Variants in TRMT44 observed in about 807,000 individuals in gnomAD.
TRMT44 encodes tRNA methyltransferase 44 homolog.
Under a neutral mutation model 77.3 loss-of-function variants are expected in TRMT44, and 78 were observed. The ratio of observed to expected loss-of-function variants is 1.01; its 90% CI spans 0.84 to 1.22. TRMT44 has a LOEUF of 1.22. TRMT44 is among the 50% of genes most tolerant of loss of function. The pLI, the probability that TRMT44 is intolerant of heterozygous loss-of-function variation, is 0.00. For missense variants in TRMT44, 1,090 were observed against 964.4 expected (o/e 1.13, Z -1.73); for synonymous variants, 391 against 383.3 (o/e 1.02, Z -0.23).
chr4:8,514,970 GTTA>G, the TRMT44 span, among the ~76,000 whole-genome samples: 4 of 152,090 alleles, frequency 2.6e-5, no homozygotes, highest in Admixed American at 6.5e-5. Flanking sequence ...TTATTTATTT[GTTA>G]TTATTATCTT....
chr4:8,456,993 T>TCTGGGCAATA (rs990946710), intron 6 of TRMT44, among the ~76,000 whole-genome samples: 1 of 148,998 alleles, frequency 6.7e-6, no homozygotes, highest in Non-Finnish European at 1.5e-5. Context: ...TCAAGACCAG[T>TCTGGGCAATA]CTGGGCAATA....
Position 8,463,637 on chromosome 4 carries a change from A to G in TRMT44, c.1204-348A>G, listed in dbSNP as rs1726315086. Among the ~76,000 whole-genome samples, 4 of 152,284 alleles carry G rather than the reference A, an allele frequency of 2.6e-5. No homozygotes were observed. The South Asian group carries it at 8.3e-4, about 32-fold the overall frequency. On this transcript the variant is annotated intron_variant, in intron 6 of 10. Transcript: ENST00000389737. ...TCCTCCGAAGCCATTGCTTGCTCCCATGCTCTGCCAGAGGTGAAACCGTTC... is the reference window on the plus strand; with the variant it reads ...TCCTCCGAAGCCATTGCTTGCTCCCGTGCTCTGCCAGAGGTGAAACCGTTC...
intron 2 of TRMT44, among the ~76,000 whole-genome samples, chr4:8,489,423 T>C (rs1269415432): frequency 6.6e-6 from 1 of 152,190 alleles, no homozygotes; most frequent in Non-Finnish European, 1.5e-5. Flanking sequence ...GCCATAGGGC[T>C]GGGCTAACTT....
At chr4:8,475,165 C>T (rs1281068468) in intron 10 of TRMT44, among the ~76,000 whole-genome samples, 1 of 152,226 alleles carries the variant, frequency 6.6e-6, no homozygotes, top group East Asian at 1.9e-4. Flanking sequence ...GGCTGCCCTG[C>T]ACCAGCCCCG....
chr4:8,443,952 T>A (rs1206354003), intron 1 of TRMT44, among the ~76,000 whole-genome samples: 3 of 149,358 alleles, frequency 2.0e-5, no homozygotes, highest in South Asian at 4.2e-4. Flanking sequence ...AGACGGGGAC[T>A]CAGTCTAAAA....
chr4:8,455,632 G>A (rs1725754749), intron 6 of TRMT44, among the ~76,000 whole-genome samples: 1 of 152,148 alleles, frequency 6.6e-6, no homozygotes, highest in Non-Finnish European at 1.5e-5. Context: ...TAATATTTGT[G>A]ACCATGGTGT....
chr4:8,502,440 G>T, the TRMT44 span, among the ~76,000 whole-genome samples: 33 of 152,318 alleles, frequency 2.2e-4, no homozygotes, highest in African/African-American at 7.7e-4. Context: ...TTAGCTCATG[G>T]TGCAGTGGGT....
chr4:8,470,926 C>T (rs79006458), intron 9 of TRMT44, 158 bp from the exon 10 acceptor site: 20 of 580,750 alleles, frequency 3.4e-5, no homozygotes, highest in East Asian at 1.5e-4. Context: ...CGGTTTGGTG[C>T]GGTGTGGTGT....
intron 10 of TRMT44, among the ~76,000 whole-genome samples, chr4:8,472,215 T>G (rs1033700258): frequency 3.3e-5 from 5 of 152,106 alleles, no homozygotes; most frequent in Non-Finnish European, 7.4e-5. Flanking sequence ...AGGGCTTTAC[T>G]TAGGAAATGA....
At chr4:8,445,437 A>T (rs1250290155) in intron 1 of TRMT44, among the ~76,000 whole-genome samples, 1 of 152,102 alleles carries the variant, frequency 6.6e-6, no homozygotes, top group Non-Finnish European at 1.5e-5. Context: ...TTACCCTTTG[A>T]TTTCACCTTC....
At chr4:8,486,942 A>T (rs1362322349) in intron 2 of TRMT44, among the ~76,000 whole-genome samples, 3 of 152,138 alleles carry the variant, frequency 2.0e-5, no homozygotes, top group African/African-American at 7.2e-5. Context: ...TCTGTAGAAA[A>T]GGAAGATTAG....
At chr4:8,472,576 G>GCACA (rs143026797) in intron 10 of TRMT44, among the ~76,000 whole-genome samples, 7 of 152,124 alleles carry the variant, frequency 4.6e-5, no homozygotes, top group African/African-American at 1.7e-4. Context: ...GTGGGTTTGT[G>GCACA]CACACACACA....
At chr4:8,504,484 G>A in the TRMT44 span, among the ~76,000 whole-genome samples, 3 of 152,116 alleles carry the variant, frequency 2.0e-5, no homozygotes, top group Admixed American at 6.5e-5. The surrounding 1 kb of genome is among the most constrained non-coding windows in gnomAD (Gnocchi z 5.3). Flanking sequence ...CCAGACCTGG[G>A]CTCCATGCTG....
chr4:8,513,979 A>G, the TRMT44 span, among the ~76,000 whole-genome samples: 1 of 152,222 alleles, frequency 6.6e-6, no homozygotes, highest in African/African-American at 2.4e-5. Context: ...CAAACCATCT[A>G]GCAGCATCAG....
intron 6 of TRMT44, among the ~76,000 whole-genome samples, chr4:8,457,664 T>C (rs1419164500): frequency 6.6e-6 from 1 of 152,184 alleles, no homozygotes; most frequent in African/African-American, 2.4e-5. Context: ...CCGTCATTGC[T>C]ACAGAAAAGG....
intron 2 of TRMT44, among the ~76,000 whole-genome samples, chr4:8,482,784 G>A (rs1444677939): frequency 7.9e-5 from 12 of 152,044 alleles, no homozygotes; most frequent in Admixed American, 7.9e-4. Context: ...GGCCATCTGG[G>A]CATATACGTG....
chr4:8,513,702 A>C, the TRMT44 span, among the ~76,000 whole-genome samples: 13 of 152,244 alleles, frequency 8.5e-5, no homozygotes, highest in Admixed American at 2.0e-4. Flanking sequence ...ACAGTAGATC[A>C]AACATAAAAA....
chr4:8,463,901 C>G, intron 6 of TRMT44, 84 bp from the exon 7 acceptor site: 1 of 1,145,640 alleles, frequency 8.7e-7, no homozygotes, highest in Non-Finnish European at 1.3e-6. Flanking sequence ...ACTCCAGAGC[C>G]TGTACCCTCC....
intron 6 of TRMT44, among the ~76,000 whole-genome samples, chr4:8,458,459 C>CTTTTTTTTTTTTTTT (rs1156752172): frequency 7.0e-6 from 1 of 142,730 alleles, no homozygotes; most frequent in African/African-American, 2.6e-5. Context: ...ATTTTCTTTT[C>CTTTTTTTTTTTTTTT]TTTTCTTTTT....
Sources: allele counts gnomAD v4.1 joint callset (sites outside exome capture counted in the v4.1 genomes callset), GRCh38; gene constraint gnomAD v4.1.1; non-coding constraint Gnocchi (gnomAD v3.1); transcripts MANE v1.5; gene names NCBI Gene and HGNC (gene_info 2026-07-23, HGNC 2026-07-21).